Variants in RBFOX1 observed in about 807,000 individuals in gnomAD.
RBFOX1 encodes the protein RNA binding protein fox-1 homolog 1.
Under a neutral mutation model 57.7 loss-of-function variants are expected in RBFOX1, and 8 were observed. The ratio of observed to expected loss-of-function variants is 0.14; its 90% CI spans 0.08 to 0.25. The LOEUF (loss-of-function observed/expected upper bound fraction) is 0.25, where lower values mean the gene tolerates loss of function less well. Among genes scored for constraint, RBFOX1 ranks in the 10% least tolerant of loss-of-function variants. The pLI is 1.00. For synonymous variants in RBFOX1, 326 were observed against 222.4 expected, an observed-to-expected ratio of 1.47 and a Z score of -4.15; for missense variants, 611 against 548.5, an observed-to-expected ratio of 1.11 and a Z score of -1.14.
intron 2 of RBFOX1, among the ~76,000 whole-genome samples, chr16:6,530,911 A>G (rs1192856044): frequency 6.6e-6 from 1 of 152,188 alleles, no homozygotes; most frequent in Non-Finnish European, 1.5e-5. Context: ...GGTCACAGCC[A>G]AACCATATCA....
At chr16:5,983,046 C>T (rs937530395) in intron 4 of RBFOX1, among the ~76,000 whole-genome samples, 1 of 152,188 alleles carries the variant, frequency 6.6e-6, no homozygotes, top group Non-Finnish European at 1.5e-5. Flanking sequence ...TAAGTCATCC[C>T]AGCGCTGATG....
At chr16:6,210,808 A>G (rs1389381538) in intron 1 of RBFOX1, among the ~76,000 whole-genome samples, 1 of 152,222 alleles carries the variant, frequency 6.6e-6, no homozygotes, top group African/African-American at 2.4e-5. Context: ...TGATTCTTCA[A>G]AGACATGGGC....
chr16:6,261,495 T>A (rs1200986479), intron 1 of RBFOX1, among the ~76,000 whole-genome samples: 1 of 152,184 alleles, frequency 6.6e-6, no homozygotes, highest in South Asian at 2.1e-4. Flanking sequence ...TTATTATGAC[T>A]GTACAGCAGA....
At chr16:6,052,754 A>C (rs1046590070) in intron 1 of RBFOX1, among the ~76,000 whole-genome samples, 2 of 151,438 alleles carry the variant, frequency 1.3e-5, no homozygotes, top group African/African-American at 4.8e-5. Context: ...ACTGCACTCC[A>C]GCCTGGGAGA....
chr16:6,091,283 C>A (rs887626525), intron 1 of RBFOX1, among the ~76,000 whole-genome samples: 4 of 152,128 alleles, frequency 2.6e-5, no homozygotes, highest in African/African-American at 7.2e-5. Flanking sequence ...CTTATGAACT[C>A]CTTTCTCCTG....
At chr16:6,762,111 G>A (rs765101904) in intron 3 of RBFOX1, among the ~76,000 whole-genome samples, 1 of 152,108 alleles carries the variant, frequency 6.6e-6, no homozygotes, top group Admixed American at 6.5e-5. Context: ...GTTACCTTGG[G>A]AAATTAGCTT....
At chr16:5,419,207 G>T (rs2151481009) in intron 1 of RBFOX1, among the ~76,000 whole-genome samples, 1 of 152,302 alleles carries the variant, frequency 6.6e-6, no homozygotes, top group South Asian at 2.1e-4. Context: ...GTAAAGGGGA[G>T]CTTATTAAGG....
At chr16:5,968,672 G>C (rs1435421186) in intron 4 of RBFOX1, among the ~76,000 whole-genome samples, 1 of 151,844 alleles carries the variant, frequency 6.6e-6, no homozygotes, top group Non-Finnish European at 1.5e-5. Flanking sequence ...CCTTGACAAA[G>C]GACACTTGAG....
chr16:5,910,818 G>A lies in RBFOX1; in HGVS notation c.351+43483G>A, dbSNP rs1353205511. Among the ~76,000 whole-genome samples, 11 of 152,236 alleles carry A rather than the reference G, an allele frequency of 7.2e-5. No homozygotes were observed. The East Asian group carries it at 2.1e-3, about 29-fold the overall frequency. ...GTTTCTCTGTGTGCAGTGCAGGCTG[G>A]AAGTGCTGGCAGATTCACAACCCCA... On this transcript the variant is annotated intron_variant, in intron 4 of 19. Coordinates refer to the RBFOX1 transcript ENST00000641259.
chr16:5,750,307 G>A (rs964430648), intron 3 of RBFOX1, among the ~76,000 whole-genome samples: 4 of 152,330 alleles, frequency 2.6e-5, no homozygotes, highest in East Asian at 1.9e-4. Flanking sequence ...TAGGCTACTC[G>A]GGGGTCAGGA....
chr16:5,595,508 A>T (rs936368175), intron 2 of RBFOX1, among the ~76,000 whole-genome samples: 3 of 152,208 alleles, frequency 2.0e-5, no homozygotes, highest in Admixed American at 6.5e-5. Flanking sequence ...GACCAGAGTG[A>T]CAGCTGGTTC....
At chr16:5,798,172 A>C (rs2054939105) in intron 3 of RBFOX1, among the ~76,000 whole-genome samples, 1 of 152,202 alleles carries the variant, frequency 6.6e-6, no homozygotes, top group East Asian at 1.9e-4. Flanking sequence ...ACTAATTGTA[A>C]GAAGTCATGG....
intron 1 of RBFOX1, among the ~76,000 whole-genome samples, chr16:5,305,016 G>A (rs1008162834): frequency 1.3e-5 from 2 of 152,056 alleles, no homozygotes; most frequent in African/African-American, 2.4e-5. Flanking sequence ...GGGGAGTCTT[G>A]CCTTTCACAG....
At chr16:6,767,923 T>TAAGAAG (rs1451360179) in intron 3 of RBFOX1, among the ~76,000 whole-genome samples, 41 of 70,460 alleles carry the variant, frequency 5.8e-4, no homozygotes, top group African/African-American at 2.8e-3. Context: ...TCAATAATAA[T>TAAGAAG]AATAATAATA....
At chr16:6,173,670 C>T (rs1033977205) in intron 1 of RBFOX1, among the ~76,000 whole-genome samples, 1 of 123,636 alleles carries the variant, frequency 8.1e-6, no homozygotes, top group African/African-American at 3.1e-5. Context: ...AGTGCAGTGG[C>T]ACAATGTCAG....
intron 2 of RBFOX1, among the ~76,000 whole-genome samples, chr16:6,414,589 G>T (rs1354288456): frequency 6.6e-6 from 1 of 152,146 alleles, no homozygotes; most frequent in South Asian, 2.1e-4. Context: ...AAGCAAAGGG[G>T]TCTCATTCGA....
intron 3 of RBFOX1, among the ~76,000 whole-genome samples, chr16:7,016,900 C>A (rs964051286): frequency 6.6e-6 from 1 of 152,124 alleles, no homozygotes; most frequent in Non-Finnish European, 1.5e-5. Flanking sequence ...ACCCTGTGTA[C>A]CAACCTTGAA....
Position 7,198,760 on chromosome 16 carries a change from C to T in RBFOX1, c.27+146662C>T, listed in dbSNP as rs561405350. Among the ~76,000 whole-genome samples, 4 of 152,302 alleles carry T rather than the reference C, an allele frequency of 2.6e-5. No individual in the cohort carries two copies. The South Asian group carries it at 6.2e-4, about 24-fold the overall frequency. On this transcript the variant is annotated intron_variant, in intron 4 of 15. Coordinates refer to ENST00000550418, the MANE Select transcript of RBFOX1 (RefSeq NM_018723.4). ...TTCGTGAAAGTGGAGTTCTCGTAAT[C>T]TAATCACCTCTTACTGGGCCTCACC...
At chr16:6,834,161 C>T (rs1053130096) in intron 3 of RBFOX1, among the ~76,000 whole-genome samples, 3 of 152,024 alleles carry the variant, frequency 2.0e-5, no homozygotes, top group African/African-American at 7.2e-5. Context: ...ACAACCTCCG[C>T]CTCCCCAGTT....
Sources: gnomAD v4.1 joint callset for allele counts (sites outside exome capture counted in the v4.1 genomes callset) on GRCh38, gnomAD v4.1.1 for gene constraint, MANE v1.5 for transcripts, NCBI Gene and HGNC (gene_info 2026-07-23, HGNC 2026-07-21) for gene names.